ACTR5: variants seen among roughly 807,000 people sequenced by gnomAD.
ACTR5 encodes the protein actin related protein 5.
A neutral mutation model predicts 61.2 loss-of-function variants in ACTR5; 43 were observed. The observed-to-expected ratio is 0.70, with a 90% confidence interval of 0.55 to 0.91. The LOEUF (loss-of-function observed/expected upper bound fraction) is 0.91, where lower values mean the gene tolerates loss of function less well. Ranked by LOEUF, ACTR5 falls within the 40% of genes least tolerant of loss-of-function variation. The probability of loss-of-function intolerance (pLI) is 0.00; values close to 1 mark genes in which losing one functional copy is unlikely to be tolerated. For synonymous variants in ACTR5, 333 were observed against 310.5 expected (o/e 1.07, Z -0.76); for missense variants, 798 against 782.2 (o/e 1.02, Z -0.24).
Position 38,771,908 on chromosome 20 carries a change from CAA to C in ACTR5, c.*93_*94del. On this transcript the variant is annotated 3_prime_UTR_variant, in exon 9 of 9. Coordinates refer to ENST00000243903, the MANE Select transcript of ACTR5 (RefSeq NM_024855.4). Reference sequence around the variant, plus strand: ...TGTGATTGTGCTAGATGTACCTGCCCAAGTCTGCTGGTCACATTTGGCAGCAA... The same window carrying C: ...TGTGATTGTGCTAGATGTACCTGCCCGTCTGCTGGTCACATTTGGCAGCAA... 1 of 1,471,466 alleles carries C rather than the reference CAA, an allele frequency of 6.8e-7. No individual in the cohort carries two copies. The highest frequency in any genetic ancestry group is 9.0e-7 in the Non-Finnish European group (1 of 1,108,080). 91.2% of individuals were successfully genotyped at this position (1,471,466 alleles called of 1,614,324 possible).
At position 38,771,640 on chromosome 20, in the gene ACTR5, G is replaced by C. The variant is rs1486866687; in HGVS notation, c.1648G>C (p.Val550Leu). The change falls in exon 9 of 9, where the codon GTT becomes CTT. Residue 550 changes from valine (V) to leucine (L), a missense_variant. By Grantham distance (32) the Val-to-Leu change is conservative (BLOSUM62 1). Transcript: ENST00000243903. ...CTTGAACCACCTAGATGATAATGAA[G>C]TTTGGATCACCAGGAAAGAGTATGA... ...WALNHLDDNE[V>L]WITRKEYEEK... The C allele has an allele frequency of 1.1e-5, 17 of 1,614,054 alleles. No individual in the cohort carries two copies. In the African/African-American group the frequency reaches 2.1e-4, roughly 20 times the overall value.
intron 5 of ACTR5, among the ~76,000 whole-genome samples, chr20:38,760,084 T>G (rs2084444615): frequency 6.7e-6 from 1 of 150,288 alleles, no homozygotes; most frequent in African/African-American, 2.5e-5. Context: ...AGCTTGGGAG[T>G]TCGAGGCTGC....
chr20:38,753,702 A>T (rs6027782), intron 3 of ACTR5, among the ~76,000 whole-genome samples: 3,356 of 152,124 alleles, frequency 0.022, 132 homozygotes, highest in African/African-American at 0.076. Flanking sequence ...GATGATTTTT[A>T]AAAAAAATCT....
At chr20:38,771,434 G>C in intron 8 of ACTR5, 125 bp from the exon 9 acceptor site, 1 of 1,292,410 alleles carries the variant, frequency 7.7e-7, no homozygotes, top group Non-Finnish European at 1.1e-6. Flanking sequence ...AACTGTCTTG[G>C]AGTGCACTGG....
At position 38,752,175 on chromosome 20, in the gene ACTR5, A is replaced by C; in HGVS notation, c.650A>C (p.Gln217Pro). Residue 217 changes from glutamine to proline, a missense_variant, in exon 3 of 9, where the codon CAA (glutamine) becomes CCA (proline). By Grantham distance (76) the Gln-to-Pro change is moderately conservative. Coordinates refer to ENST00000243903, the MANE Select transcript of ACTR5 (RefSeq NM_024855.4). ...NCKRINLGGS[Q>P]AAGYLQRLLQ... ...AAGCGCATCAATCTTGGAGGAAGCCAAGCAGCTGGTTACCTCCAGCGTCTC... is the reference window on the plus strand; with the variant it reads ...AAGCGCATCAATCTTGGAGGAAGCCCAGCAGCTGGTTACCTCCAGCGTCTC... 6.2e-7 allele frequency: 1 copy of C among 1,614,016 alleles called. No individual in the cohort carries two copies. The highest frequency in any genetic ancestry group is 8.5e-7 in the Non-Finnish European group (1 of 1,179,896).
intron 8 of ACTR5, among the ~76,000 whole-genome samples, chr20:38,768,993 C>T (rs942967713): frequency 6.6e-6 from 1 of 152,158 alleles, no homozygotes; most frequent in African/African-American, 2.4e-5. Flanking sequence ...AGCTTCCCAG[C>T]CTCTAGGAGG....
intron 2 of ACTR5, 28 bp from the exon 3 acceptor site, chr20:38,752,103 A>G (rs201775607): frequency 1.9e-6 from 3 of 1,598,280 alleles, no homozygotes; most frequent in Non-Finnish European, 2.6e-6. Context: ...CAGAAATTTC[A>G]GTGCTGTTTT....
intron 7 of ACTR5, 128 bp from the exon 8 acceptor site, chr20:38,767,336 A>ATT (rs879087874): frequency 3.3e-4 from 226 of 688,090 alleles, no homozygotes; most frequent in South Asian, 4.9e-4. Context: ...GAAAGTTTTG[A>ATT]TTTTTTTTTT....
intron 5 of ACTR5, among the ~76,000 whole-genome samples, chr20:38,764,874 T>TG (rs1013679266): frequency 1.3e-5 from 2 of 152,370 alleles, no homozygotes; most frequent in Middle Eastern, 3.4e-3. Context: ...TTCACTCTGT[T>TG]GCCCACGCTG....
At position 38,748,653 on chromosome 20, in the gene ACTR5, C is replaced by G; in HGVS notation, c.175C>G (p.Leu59Val). The change falls in exon 1 of 9, where the codon CTG becomes GTG. Residue 59 changes from leucine to valine, a missense_variant. Leu to Val is a conservative substitution (Grantham distance 32, BLOSUM62 1). Transcript: ENST00000243903. ...PGQDPGPEPRLQFRAVCARGR... is the reference protein window; with the variant it reads ...PGQDPGPEPRVQFRAVCARGR... ...GCAGGACCCAGGTCCCGAGCCGCGCCTGCAGTTCCGCGCGGTGTGCGCCCG... is the reference window on the plus strand; with the variant it reads ...GCAGGACCCAGGTCCCGAGCCGCGCGTGCAGTTCCGCGCGGTGTGCGCCCG... 6.6e-7 allele frequency: 1 copy of G among 1,517,562 alleles called. No homozygotes were observed. The highest frequency in any genetic ancestry group is 8.8e-7 in the Non-Finnish European group (1 of 1,135,506). The allele number at this position is 1,517,562 out of a possible 1,614,324, so 94.0% of individuals were successfully genotyped here. A position where few individuals can be genotyped will look rare whatever the true frequency, so the allele number is the denominator to read the frequency against.
chr20:38,750,922 C>T (rs1350207952), intron 2 of ACTR5, among the ~76,000 whole-genome samples: 2 of 152,142 alleles, frequency 1.3e-5, no homozygotes, highest in East Asian at 1.9e-4. Flanking sequence ...TGAGCCACCG[C>T]GCCCAGCCAA....
Position 38,748,813 on chromosome 20 carries a change from T to C in ACTR5, c.335T>C (p.Leu112Pro). 6.2e-7 allele frequency: 1 copy of C among 1,609,248 alleles called. No individual in the cohort carries two copies. Among genetic ancestry groups the C allele is most frequent in the South Asian group, 1.1e-5 (1 of 90,854 alleles). ...VPVNLELQEL[L>P]LDYSFQHLGV... The stretch of plus-strand genomic sequence containing the variant: ...GTCAACCTGGAGCTTCAGGAGTTGC[T>C]GCTGGACTACAGCTTCCAGCACCTG... Residue 112 changes from leucine (L) to proline (P), a missense_variant, in exon 1 of 9, where the codon CTG becomes CCG. Physicochemically the swap from Leu to Pro is moderately conservative, Grantham distance 98. Coordinates refer to ENST00000243903, the MANE Select transcript of ACTR5 (RefSeq NM_024855.4).
In ACTR5 at chr20:38,752,118, T is replaced by G. The variant is rs947099526; in HGVS notation, c.606-13T>G. 1.2e-6 allele frequency: 2 copies of G among 1,608,774 alleles called. No individual in the cohort carries two copies. The highest frequency in any genetic ancestry group is 3.3e-5 in the Admixed American group (2 of 59,744). ...CAGAAATTTCAGTGCTGTTTTCTAC[T>G]GCTTGGTTATAGATTAGATGCTAAA... On this transcript the variant is annotated splice_polypyrimidine_tract_variant and intron_variant, in intron 2 of 8. Transcript: ENST00000243903.
intron 3 of ACTR5, 24 bp downstream of exon 3, chr20:38,752,324 C>T: frequency 7.6e-6 from 12 of 1,575,434 alleles, no homozygotes; most frequent in Non-Finnish European, 1.0e-5. Context: ...TGTTTGCCTG[C>T]AGCTTTTGGG....
chr20:38,760,504 C>G (rs1427176089), intron 5 of ACTR5, among the ~76,000 whole-genome samples: 1 of 152,138 alleles, frequency 6.6e-6, no homozygotes, highest in Admixed American at 6.5e-5. Context: ...ATGTAGGATC[C>G]CAAGATCTCG....
intron 5 of ACTR5, among the ~76,000 whole-genome samples, chr20:38,764,116 G>A (rs1348198511): frequency 1.3e-5 from 2 of 152,150 alleles, no homozygotes; most frequent in Non-Finnish European, 2.9e-5. Context: ...GTTTACATTT[G>A]CAGTATATAT....
chr20:38,759,465 C>T (rs1443202794), intron 5 of ACTR5, among the ~76,000 whole-genome samples: 1 of 152,166 alleles, frequency 6.6e-6, no homozygotes, highest in Non-Finnish European at 1.5e-5. Flanking sequence ...CTCTCTGCGA[C>T]TTGTATGAAT....
intron 5 of ACTR5, among the ~76,000 whole-genome samples, chr20:38,760,798 T>G (rs1404780072): frequency 1.3e-5 from 2 of 152,188 alleles, no homozygotes; most frequent in African/African-American, 4.8e-5. Flanking sequence ...TAGATGGTAG[T>G]GCCTTTTGAC....
intron 1 of ACTR5, 37 bp from the exon 2 acceptor site, chr20:38,749,972 GT>G: frequency 1.9e-6 from 3 of 1,558,900 alleles, no homozygotes; most frequent in Non-Finnish European, 2.6e-6. Context: ...AGAGTATTCT[GT>G]TACCACTCAT....
Sources: allele counts gnomAD v4.1 joint callset (sites outside exome capture counted in the v4.1 genomes callset), GRCh38; gene constraint gnomAD v4.1.1; transcripts MANE v1.5; gene names NCBI Gene and HGNC (gene_info 2026-07-23, HGNC 2026-07-21).